Variants in SLC24A3 observed in about 807,000 individuals in gnomAD.
The protein encoded by SLC24A3 is sodium/potassium/calcium exchanger 3.
SLC24A3 carries 28 observed loss-of-function variants against 75.8 expected under a neutral mutation model. That is an observed-to-expected ratio of 0.37 (90% confidence interval 0.27 to 0.51). The LOEUF (loss-of-function observed/expected upper bound fraction) is 0.51. Ranked by LOEUF, SLC24A3 falls within the 20% of genes least tolerant of loss-of-function variation. SLC24A3 has a pLI of 0.94. For synonymous variants in SLC24A3, 372 were observed against 334.1 expected (o/e 1.11, Z -1.24); for missense variants, 663 against 847.8 (o/e 0.78, Z 2.71).
intron 6 of SLC24A3, among the ~76,000 whole-genome samples, chr20:19,605,354 C>T (rs974763475): frequency 6.6e-6 from 1 of 152,012 alleles, no homozygotes; most frequent in Admixed American, 6.5e-5. Context: ...CTTACATCTA[C>T]TGGCTAGTCT....
chr20:19,594,400 G>A (rs3827995), intron 6 of SLC24A3, among the ~76,000 whole-genome samples: 50,699 of 151,946 alleles, frequency 0.33, 8,583 homozygotes, highest in Middle Eastern at 0.39. Flanking sequence ...ATGCAGGCCT[G>A]TCTGTACACA....
chr20:19,560,086 C>T (rs1160855363), intron 3 of SLC24A3, among the ~76,000 whole-genome samples: 4 of 152,132 alleles, frequency 2.6e-5, no homozygotes, highest in Non-Finnish European at 5.9e-5. Flanking sequence ...CACTCCAGCA[C>T]AGCCCCAGGT....
chr20:19,675,568 G>A (rs1296824822), intron 9 of SLC24A3, among the ~76,000 whole-genome samples: 1 of 152,202 alleles, frequency 6.6e-6, no homozygotes, highest in Non-Finnish European at 1.5e-5. Context: ...ATTTGTGAGG[G>A]GAGCCATCCA....
chr20:19,475,742 T>G (rs530062542), intron 2 of SLC24A3, among the ~76,000 whole-genome samples: 1 of 152,330 alleles, frequency 6.6e-6, no homozygotes, highest in South Asian at 2.1e-4. Context: ...GGAAACTTAT[T>G]TTTAAATCAT....
chr20:19,500,819 G>C (rs1203346037), intron 2 of SLC24A3, among the ~76,000 whole-genome samples: 1 of 152,186 alleles, frequency 6.6e-6, no homozygotes, highest in Non-Finnish European at 1.5e-5. Context: ...GTCTGGGAAG[G>C]CTGGAGAGGA....
rs544698128 is a variant in SLC24A3, at chr20:19,342,894, C to A, written c.271+61807C>A. Among the ~76,000 whole-genome samples, 168 of 151,996 alleles carry A rather than the reference C, an allele frequency of 1.1e-3. 1 individual carries two copies. Among genetic ancestry groups the A allele is most frequent in the Non-Finnish European group, 1.8e-3 (124 of 67,954 alleles). On this transcript the variant is annotated intron_variant, in intron 2 of 16. Coordinates refer to ENST00000328041, the MANE Select transcript of SLC24A3 (RefSeq NM_020689.4). ...GACCATCCTGGCTAACATGGTGAAACCCCGTCTCTACTAAAATACAAAATA... is the reference window on the plus strand; with the variant it reads ...GACCATCCTGGCTAACATGGTGAAAACCCGTCTCTACTAAAATACAAAATA...
At chr20:19,215,105 G>A (rs1981518017) in intron 1 of SLC24A3, among the ~76,000 whole-genome samples, 1 of 152,162 alleles carries the variant, frequency 6.6e-6, no homozygotes, top group Non-Finnish European at 1.5e-5. Context: ...GGTTTTTCTA[G>A]ATAATTTTTA....
intron 2 of SLC24A3, among the ~76,000 whole-genome samples, chr20:19,290,049 C>T (rs1017693512): frequency 6.6e-6 from 1 of 152,176 alleles, no homozygotes; most frequent in Admixed American, 6.5e-5. Flanking sequence ...AGGACCACCA[C>T]CACCAGCAGC....
chr20:19,212,740 G>C lies in SLC24A3; in HGVS notation c.-103G>C. On this transcript the variant is annotated 5_prime_UTR_variant, in exon 1 of 17. Coordinates refer to ENST00000328041, the MANE Select transcript of SLC24A3 (RefSeq NM_020689.4). Reference sequence around the variant, plus strand: ...CCGGGTGGGAGCGCAGCGAGGACGCGCGGCTGCTGCGCGCAGGGCTGCCTC... The same window carrying C: ...CCGGGTGGGAGCGCAGCGAGGACGCCCGGCTGCTGCGCGCAGGGCTGCCTC... The C allele has an allele frequency of 1.1e-6, 1 of 912,230 alleles. No homozygotes were observed. Among genetic ancestry groups the C allele is most frequent in the African/African-American group, 1.8e-5 (1 of 55,380 alleles). 56.5% of individuals were successfully genotyped at this position (912,230 alleles called of 1,614,324 possible).
At chr20:19,296,008 G>A (rs938860960) in intron 2 of SLC24A3, among the ~76,000 whole-genome samples, 4 of 152,034 alleles carry the variant, frequency 2.6e-5, no homozygotes, top group Non-Finnish European at 4.4e-5. Context: ...TGGTTGGTAG[G>A]CTATTTATTA....
intron 1 of SLC24A3, among the ~76,000 whole-genome samples, chr20:19,235,523 C>A (rs1274210987): frequency 6.6e-6 from 1 of 152,176 alleles, no homozygotes; most frequent in Non-Finnish European, 1.5e-5. Flanking sequence ...ATCAGAGCAG[C>A]GTCTGGGAAG....
intron 2 of SLC24A3, among the ~76,000 whole-genome samples, chr20:19,495,019 G>A (rs934550144): frequency 6.6e-6 from 1 of 152,192 alleles, no homozygotes; most frequent in Non-Finnish European, 1.5e-5. Flanking sequence ...GCCTCAGGTG[G>A]ATCCCAGGAG....
chr20:19,320,987 TATAC>T (rs1279269455), intron 2 of SLC24A3, among the ~76,000 whole-genome samples: 1 of 152,138 alleles, frequency 6.6e-6, no homozygotes, highest in Admixed American at 6.6e-5. Flanking sequence ...GATATATATG[TATAC>T]ATACATACAT....
chr20:19,605,099 GA>G (rs908768274), intron 6 of SLC24A3, among the ~76,000 whole-genome samples: 3 of 151,848 alleles, frequency 2.0e-5, no homozygotes, highest in African/African-American at 7.2e-5. Flanking sequence ...GTTAAATTAG[GA>G]AAAAAAACAC....
At chr20:19,491,941 T>A (rs906387251) in intron 2 of SLC24A3, among the ~76,000 whole-genome samples, 43 of 151,180 alleles carry the variant, frequency 2.8e-4, no homozygotes, top group African/African-American at 9.5e-4. Flanking sequence ...GGCAGCAGTG[T>A]CATTATTGCC....
At chr20:19,298,899 A>T (rs890868008) in intron 2 of SLC24A3, among the ~76,000 whole-genome samples, 1 of 152,184 alleles carries the variant, frequency 6.6e-6, no homozygotes, top group Non-Finnish European at 1.5e-5. Context: ...TCCACCAGTC[A>T]TGGGTTGGGG....
At position 19,696,930 on chromosome 20, in the gene SLC24A3, ATG is replaced by A; in HGVS notation, c.1606+20_1606+21del. On this transcript the variant is annotated intron_variant, in intron 14 of 16. Coordinates refer to ENST00000328041, the MANE Select transcript of SLC24A3 (RefSeq NM_020689.4). Reference sequence around the variant, plus strand: ...AGACAAGGTGGGACTTCCAGTGGCAATGGGGAAGGAGGGAGGGAGGGAGGAGG... The same window carrying A: ...AGACAAGGTGGGACTTCCAGTGGCAAGGGAAGGAGGGAGGGAGGGAGGAGG... 1 of 952,014 alleles carries A rather than the reference ATG, an allele frequency of 1.1e-6. No homozygotes were observed. The allele number at this position is 952,014 out of a possible 1,614,324, so 59.0% of individuals were successfully genotyped here. A position where few individuals can be genotyped will look rare whatever the true frequency, so the allele number is the denominator to read the frequency against.
chr20:19,289,206 C>T (rs1255759679), intron 2 of SLC24A3, among the ~76,000 whole-genome samples: 1 of 152,028 alleles, frequency 6.6e-6, no homozygotes, highest in African/African-American at 2.4e-5. Context: ...CACTGGCACA[C>T]AATCAAAAAA....
chr20:19,404,866 A>T (rs544550903), intron 2 of SLC24A3, among the ~76,000 whole-genome samples: 17 of 152,260 alleles, frequency 1.1e-4, no homozygotes, highest in African/African-American at 4.1e-4. Flanking sequence ...CCCAAGCAAG[A>T]TGGTCTTGCA....
Sources: gnomAD v4.1 joint callset for allele counts (sites outside exome capture counted in the v4.1 genomes callset) on GRCh38, gnomAD v4.1.1 for gene constraint, MANE v1.5 for transcripts, NCBI Gene and HGNC (gene_info 2026-07-23, HGNC 2026-07-21) for gene names.